The following SCN7A variants were observed in gnomAD, a reference collection of about 807,000 sequenced individuals.
SCN7A encodes the protein sodium voltage-gated channel alpha subunit 7.
Under a neutral mutation model 155.2 loss-of-function variants are expected in SCN7A, and 138 were observed. The ratio of observed to expected loss-of-function variants is 0.89; its 90% CI spans 0.77 to 1.02. The LOEUF (loss-of-function observed/expected upper bound fraction) is 1.02, where lower values mean the gene tolerates loss of function less well. Ranked by LOEUF, SCN7A falls within the 50% of genes least tolerant of loss-of-function variation. The probability of loss-of-function intolerance (pLI) is 0.00; values close to 1 mark genes in which losing one functional copy is unlikely to be tolerated. For missense variants in SCN7A, 2,058 were observed against 1,986.6 expected (o/e 1.04, Z -0.68); for synonymous variants, 693 against 649.0 (o/e 1.07, Z -1.03).
rs1199282979 is a variant in SCN7A, at chr2:166,403,874, G to C, written c.*1706C>G. On this transcript the variant is annotated 3_prime_UTR_variant, in exon 26 of 26. Transcript: ENST00000643258. ...TCACATTGTCACCAAGTTAACACTG[G>C]TTCCTCACTGGTCTCCATAACATGA... The C allele has an allele frequency of 1.3e-5, 2 of 151,616 alleles. No individual in the cohort carries two copies. Among genetic ancestry groups the C allele is most frequent in the Non-Finnish European group, 2.9e-5 (2 of 67,876 alleles). The allele number at this position is 151,616 out of a possible 1,614,324, so 9.4% of individuals were successfully genotyped here.
chr2:166,418,224 G>A (rs137892117), intron 20 of SCN7A, among the ~76,000 whole-genome samples: 4,452 of 147,184 alleles, frequency 0.03, 92 homozygotes, highest in Middle Eastern at 0.058. Flanking sequence ...GGGTTCAAGC[G>A]ATTCTCCTGC....
intron 10 of SCN7A, among the ~76,000 whole-genome samples, chr2:166,460,024 G>A (rs1239389235): frequency 2.6e-5 from 4 of 152,194 alleles, no homozygotes; most frequent in Non-Finnish European, 5.9e-5. Flanking sequence ...AATACCTAAT[G>A]TAGATGACGA....
At position 166,443,578 on chromosome 2, in the gene SCN7A, C is replaced by T; in HGVS notation, c.1725G>A (p.Met575Ile). The T allele has an allele frequency of 1.3e-6, 2 of 1,589,540 alleles. No individual in the cohort carries two copies. The highest frequency in any genetic ancestry group is 2.3e-5 in the East Asian group (1 of 44,072). The change falls in exon 14 of 26, where the codon ATG becomes ATA. Residue 575 changes from methionine to isoleucine, a missense_variant. By Grantham distance (10) the Met-to-Ile change is conservative. Transcript: ENST00000643258. ...FQVGWNIFDS[M>I]IVFHGLIELC... ...GTTCTATTAAACCATGGAACACTATCATGCTATCAAAAATGTTCCAACCTA... is the reference window on the plus strand; with the variant it reads ...GTTCTATTAAACCATGGAACACTATTATGCTATCAAAAATGTTCCAACCTA...
rs899220196 is a variant in SCN7A, at chr2:166,405,836, T to C, written c.4793A>G (p.Glu1598Gly). 4 of 1,613,148 alleles carry C rather than the reference T, an allele frequency of 2.5e-6. No homozygotes were observed. The highest frequency in any genetic ancestry group is 2.2e-5 in the South Asian group (2 of 91,054). ...GGCTAACAAAAACCCTGATTCTATT[T>C]CTGAAACAACTTTCTCCATCCTCAC... ...QDVRMEKVVS[E>G]IESGFLLANP... The change falls in exon 26 of 26, where the codon GAA (glutamate) becomes GGA (glycine). Residue 1598 changes from glutamate to glycine, a missense_variant. Glu to Gly is a moderately conservative substitution (Grantham distance 98). Coordinates refer to ENST00000643258, the MANE Select transcript of SCN7A (RefSeq NM_002976.4).
At position 166,441,031 on chromosome 2, in the gene SCN7A, T is replaced by C. The variant is rs565124164; in HGVS notation, c.2157+365A>G. On this transcript the variant is annotated intron_variant, in intron 15 of 25. Transcript: ENST00000643258. Reference sequence around the variant, plus strand: ...ACTTATGAGTTTTATATTTCTGGAATTTTCCACTGGATGTTTTCAGACCAT... The same window carrying C: ...ACTTATGAGTTTTATATTTCTGGAACTTTCCACTGGATGTTTTCAGACCAT... 7 of 343,184 alleles carry C rather than the reference T, an allele frequency of 2.0e-5. No individual in the cohort carries two copies. The South Asian group carries it at 7.9e-4, about 39-fold the overall frequency. The allele number at this position is 343,184 out of a possible 1,614,324, so 21.3% of individuals were successfully genotyped here.
At chr2:166,468,169 A>C (rs534425954) in intron 7 of SCN7A, among the ~76,000 whole-genome samples, 35 of 152,182 alleles carry the variant, frequency 2.3e-4, no homozygotes, top group African/African-American at 8.4e-4. Context: ...AATATAAGTA[A>C]TGACCTTTGA....
At chr2:166,426,499 C>A (rs1701628446) in intron 18 of SCN7A, among the ~76,000 whole-genome samples, 1 of 151,998 alleles carries the variant, frequency 6.6e-6, no homozygotes, top group South Asian at 2.1e-4. Context: ...TTTTTGATTT[C>A]TTGTACCAGT....
At position 166,429,263 on chromosome 2, in the gene SCN7A, T is replaced by C. The variant is rs1701684359; in HGVS notation, c.2604A>G (p.Gln868=). ...GDGGSKEKIK[Q]SSSSECSTVD... Reference sequence around the variant, plus strand: ...CAGTACTGCATTCAGATGAGCTAGATTGCTTTATTTTCTAAAAGGTGAAGT... The same window carrying C: ...CAGTACTGCATTCAGATGAGCTAGACTGCTTTATTTTCTAAAAGGTGAAGT... The change falls in exon 17 of 26, where the codon CAA becomes CAG. Residue 868 remains glutamine, a synonymous_variant. Coordinates refer to ENST00000643258, the MANE Select transcript of SCN7A (RefSeq NM_002976.4). 3 of 1,527,652 alleles carry C rather than the reference T, an allele frequency of 2.0e-6. No homozygotes were observed. The highest frequency in any genetic ancestry group is 1.4e-5 in the African/African-American group (1 of 72,020). The allele number at this position is 1,527,652 out of a possible 1,614,324, so 94.6% of individuals were successfully genotyped here.
rs867452341 is a variant in SCN7A, at chr2:166,406,622, C to T, written c.4007G>A (p.Gly1336Glu). 1 of 1,609,398 alleles carries T rather than the reference C, an allele frequency of 6.2e-7. No individual in the cohort carries two copies. Among genetic ancestry groups the T allele is most frequent in the Non-Finnish European group, 8.5e-7 (1 of 1,177,530 alleles). ...AAGTGAAGGAGGCACAAGGTAGGAT[C>T]CTACTGTCATAGGCAGACATAGTCC... is the stretch of plus-strand genomic sequence containing the variant. ...ITGLCLPMTV[G>E]SYLVPPSLVQ... The change falls in exon 26 of 26, where the codon GGA becomes GAA. Residue 1336 changes from glycine to glutamate, a missense_variant. Coordinates refer to ENST00000643258, the MANE Select transcript of SCN7A (RefSeq NM_002976.4).
Position 166,432,365 on chromosome 2 carries a change from C to A in SCN7A, c.2545G>T (p.Asp849Tyr). The A allele has an allele frequency of 1.2e-6, 2 of 1,612,596 alleles. No individual in the cohort carries two copies. The highest frequency in any genetic ancestry group is 1.7e-6 in the Non-Finnish European group (2 of 1,179,334). ...GACTTACTCTGAATCTCCTTATTATCCAGATTTTCTATATCAGATTCTCCT... is the reference window on the plus strand; with the variant it reads ...GACTTACTCTGAATCTCCTTATTATACAGATTTTCTATATCAGATTCTCCT... Reference protein sequence around the residue: ...ASGESDIENLDNKEIQSKSGD... With the variant: ...ASGESDIENLYNKEIQSKSGD... The change falls in exon 16 of 26, where the codon GAT (aspartate) becomes TAT (tyrosine). Residue 849 changes from aspartate to tyrosine, a missense_variant. Transcript: ENST00000643258.
In SCN7A at chr2:166,465,646, G is replaced by T. The variant is rs1038375052; in HGVS notation, c.872-115C>A. On this transcript the variant is annotated intron_variant, in intron 8 of 25. Coordinates refer to ENST00000643258, the MANE Select transcript of SCN7A (RefSeq NM_002976.4). The stretch of plus-strand genomic sequence containing the variant: ...TACCTTTCTGCAATTGTGAAGAAAA[G>T]AGCAAATATCCTTGCCTTTCAACCA... 27 of 1,247,870 alleles carry T rather than the reference G, an allele frequency of 2.2e-5. No homozygotes were observed. In the South Asian group the frequency reaches 3.0e-4, roughly 14 times the overall value. The allele number at this position is 1,247,870 out of a possible 1,614,324, so 77.3% of individuals were successfully genotyped here.
At chr2:166,446,288 A>G (rs539771600) in intron 12 of SCN7A, among the ~76,000 whole-genome samples, 52 of 152,244 alleles carry the variant, frequency 3.4e-4, no homozygotes, top group Non-Finnish European at 6.0e-4. Context: ...ATCACTAGTC[A>G]TTATAGAAAT....
rs1701391679 is a variant in SCN7A at position 166,416,948 on chromosome 2, G to A, written c.3173C>T (p.Thr1058Ile). 2 of 1,608,140 alleles carry A rather than the reference G, an allele frequency of 1.2e-6. No individual in the cohort carries two copies. The highest frequency in any genetic ancestry group is 1.7e-6 in the Non-Finnish European group (2 of 1,176,866). Residue 1058 changes from threonine (T) to isoleucine (I), a missense_variant, in exon 21 of 26, where the codon ACT (threonine) becomes ATT (isoleucine). Physicochemically the swap from Thr to Ile is moderately conservative, Grantham distance 89. Transcript: ENST00000643258. ...VRALIKTTLP[T>I]LNVFLVCLMI... The stretch of plus-strand genomic sequence containing the variant: ...CAGGCAGACAAGAAACACATTCAAA[G>A]TGGGTAAGGTTGTTTTGATCAAAGC...
At position 166,429,158 on chromosome 2, in the gene SCN7A, A is replaced by C. The variant is rs1038723800; in HGVS notation, c.2698+11T>G. 2.7e-6 allele frequency: 4 copies of C among 1,494,344 alleles called. No individual in the cohort carries two copies. The African/African-American group carries it at 5.7e-5, about 21-fold the overall frequency. 92.6% of individuals were successfully genotyped at this position (1,494,344 alleles called of 1,614,324 possible). The stretch of plus-strand genomic sequence containing the variant: ...ATTAGTTTCCTAGCAAGATTAACAA[A>C]ATTTTCTTACCATTTTTCAGATGCT... On this transcript the variant is annotated intron_variant, in intron 17 of 25. Transcript: ENST00000643258.
rs766556183 is a variant in SCN7A at position 166,432,416 on chromosome 2, C to G, written c.2494G>C (p.Val832Leu). The change falls in exon 16 of 26, where the codon GTC becomes CTC. Residue 832 changes from valine (V) to leucine (L), a missense_variant. Val to Leu is a conservative substitution (Grantham distance 32). Coordinates refer to ENST00000643258, the MANE Select transcript of SCN7A (RefSeq NM_002976.4). ...GAAGCAATTGGTACAGTTTCTGAGA[C>G]ACTAGGACTGGGGATAAGTGATTGG... is the stretch of plus-strand genomic sequence containing the variant. The part of the protein sequence containing the change: ...ESQSLIPSPS[V>L]SETVPIASGE... 1 of 1,613,590 alleles carries G rather than the reference C, an allele frequency of 6.2e-7. No homozygotes were observed. Among genetic ancestry groups the G allele is most frequent in the Non-Finnish European group, 8.5e-7 (1 of 1,179,628 alleles).
At chr2:166,463,977 A>G (rs1702468998) in intron 9 of SCN7A, among the ~76,000 whole-genome samples, 1 of 151,744 alleles carries the variant, frequency 6.6e-6, no homozygotes. Flanking sequence ...AATTGCTTGA[A>G]CCCATGAGGC....
intron 10 of SCN7A, chr2:166,461,711 G>C (rs1702413273): frequency 6.6e-6 from 1 of 152,150 alleles, no homozygotes; most frequent in African/African-American, 2.4e-5. Context: ...AAACAAGACA[G>C]TGATCTGAGA....
intron 7 of SCN7A, among the ~76,000 whole-genome samples, chr2:166,466,489 A>G (rs947273368): frequency 6.6e-6 from 1 of 152,172 alleles, no homozygotes; most frequent in Admixed American, 6.5e-5. Context: ...TATTTATATC[A>G]GAATACTAAT....
intron 10 of SCN7A, among the ~76,000 whole-genome samples, chr2:166,457,762 G>C (rs1286914834): frequency 6.6e-6 from 1 of 152,040 alleles, no homozygotes; most frequent in African/African-American, 2.4e-5. Context: ...TCCTAAGACA[G>C]ATCAGAAAAT....
Sources: allele counts gnomAD v4.1 joint callset (sites outside exome capture counted in the v4.1 genomes callset), GRCh38; gene constraint gnomAD v4.1.1; transcripts MANE v1.5; gene names NCBI Gene and HGNC (gene_info 2026-07-23, HGNC 2026-07-21).